Variants in PER3 observed in about 807,000 individuals in gnomAD.
PER3 encodes the protein period circadian protein homolog 3.
In PER3, 107 loss-of-function variants were observed where a neutral mutation model predicts 127.2. The ratio of observed to expected loss-of-function variants is 0.84; its 90% CI spans 0.72 to 0.99. PER3 has a LOEUF of 0.99. Ranked by LOEUF, PER3 falls within the 50% of genes least tolerant of loss-of-function variation. The probability of loss-of-function intolerance (pLI) is 0.00; values close to 1 mark genes in which losing one functional copy is unlikely to be tolerated. For missense variants in PER3, 1,560 were observed against 1,525.8 expected, an observed-to-expected ratio of 1.02 and a Z score of -0.37; for synonymous variants, 618 against 585.8, an observed-to-expected ratio of 1.05 and a Z score of -0.79.
chr1:7,794,914 T>C (rs757818477), intron 6 of PER3, among the ~76,000 whole-genome samples: 9 of 151,412 alleles, frequency 5.9e-5, no homozygotes, highest in Non-Finnish European at 1.0e-4. Flanking sequence ...TAAGATGATA[T>C]AATAATATGT....
intron 6 of PER3, among the ~76,000 whole-genome samples, chr1:7,797,678 A>G (rs2097152093): frequency 6.6e-6 from 1 of 151,754 alleles, no homozygotes; most frequent in South Asian, 2.1e-4. Context: ...TGGAAGTAGG[A>G]ACAGACTAGA....
intron 16 of PER3, among the ~76,000 whole-genome samples, chr1:7,824,790 A>G (rs1321793080): frequency 6.6e-6 from 1 of 152,126 alleles, no homozygotes; most frequent in African/African-American, 2.4e-5. Flanking sequence ...GCTCCTTGTG[A>G]TGCCTCAGGA....
chr1:7,790,546 T>C (rs1233102840), intron 5 of PER3, among the ~76,000 whole-genome samples: 1 of 152,158 alleles, frequency 6.6e-6, no homozygotes, highest in Admixed American at 6.5e-5. Flanking sequence ...AACCATATCA[T>C]TCTGCTCTTA....
At chr1:7,808,624 G>A (rs2097206366) in intron 10 of PER3, among the ~76,000 whole-genome samples, 1 of 152,178 alleles carries the variant, frequency 6.6e-6, no homozygotes, top group South Asian at 2.1e-4. Flanking sequence ...GAGGTTACTT[G>A]TCCCTGATTT....
chr1:7,806,937 C>T (rs1317557637), intron 10 of PER3, among the ~76,000 whole-genome samples: 2 of 151,102 alleles, frequency 1.3e-5, no homozygotes, highest in Admixed American at 1.3e-4. Context: ...ATTTCCATTT[C>T]ACTCAAAAAA....
chr1:7,799,125 A>T (rs1033758852), intron 7 of PER3, among the ~76,000 whole-genome samples: 3 of 152,226 alleles, frequency 2.0e-5, no homozygotes, highest in African/African-American at 7.2e-5. Flanking sequence ...ATATCAATAC[A>T]TAGGCAGCTT....
rs532800130 is a variant in PER3 at position 7,812,823 on chromosome 1, G to A, written c.1522+2235G>A. ...AGCTTTGGAGAACCAATGTTTCTGG[G>A]AGATCTTGATTTTATTAACATTTGG... is the stretch of plus-strand genomic sequence containing the variant. On this transcript the variant is annotated intron_variant, in intron 13 of 21. Transcript: ENST00000377532. Among the ~76,000 whole-genome samples the A allele has an allele frequency of 1.6e-3, 249 of 152,212 alleles. 1 individual carries two copies. Among genetic ancestry groups the A allele is most frequent in the African/African-American group, 5.7e-3 (235 of 41,528 alleles).
At chr1:7,802,471 G>T (rs1014944085) in intron 8 of PER3, among the ~76,000 whole-genome samples, 9 of 152,064 alleles carry the variant, frequency 5.9e-5, no homozygotes, top group Admixed American at 3.9e-4. Flanking sequence ...CACCATGTTG[G>T]CCAGACTGGT....
intron 19 of PER3, among the ~76,000 whole-genome samples, chr1:7,833,572 GTGT>G (rs1381034814): frequency 6.6e-6 from 1 of 152,128 alleles, no homozygotes; most frequent in East Asian, 1.9e-4. Context: ...TATTTGGTTA[GTGT>G]TTACATGGTA....
intron 4 of PER3, chr1:7,787,057 CTT>C (rs1417840863): frequency 6.7e-6 from 3 of 446,934 alleles, no homozygotes; most frequent in African/African-American, 4.0e-5. Context: ...AGCTCAGTGA[CTT>C]TGGTTATGAG....
chr1:7,829,556 C>T (rs1452926555), intron 18 of PER3, among the ~76,000 whole-genome samples: 2 of 152,126 alleles, frequency 1.3e-5, no homozygotes, highest in Non-Finnish European at 2.9e-5. Flanking sequence ...ATCTGATAAC[C>T]AAGACGGCTA....
At chr1:7,793,293 T>G (rs1412608186) in intron 5 of PER3, among the ~76,000 whole-genome samples, 2 of 152,178 alleles carry the variant, frequency 1.3e-5, no homozygotes, top group Non-Finnish European at 2.9e-5. Context: ...AAGGCAAATT[T>G]AGACATTTCT....
At chr1:7,785,618 G>C in intron 3 of PER3, 32 bp downstream of exon 3, 2 of 1,597,306 alleles carry the variant, frequency 1.3e-6, no homozygotes, top group Admixed American at 1.7e-5. Flanking sequence ...TTCATCCTAC[G>C]AATGCACCAG....
chr1:7,809,722 CAG>C (rs1339700160), intron 11 of PER3, among the ~76,000 whole-genome samples, 169 bp from the exon 12 acceptor site: 9 of 152,302 alleles, frequency 5.9e-5, no homozygotes, highest in Admixed American at 5.9e-4. Flanking sequence ...GCCGAAATGA[CAG>C]AGGAGTGCCT....
chr1:7,785,200 T>G (rs1221171679), intron 2 of PER3, among the ~76,000 whole-genome samples, 195 bp downstream of exon 2: 1 of 151,982 alleles, frequency 6.6e-6, no homozygotes, highest in Non-Finnish European at 1.5e-5. Flanking sequence ...GAGGGAAAAG[T>G]GGTTACAAAA....
At position 7,826,738 on chromosome 1, in the gene PER3, A is replaced by G. The variant is rs1336651070; in HGVS notation, c.2188+28A>G. The G allele has an allele frequency of 7.7e-7, 1 of 1,305,138 alleles. No individual in the cohort carries two copies. The highest frequency in any genetic ancestry group is 1.2e-5 in the South Asian group (1 of 83,414). 80.8% of individuals were successfully genotyped at this position (1,305,138 alleles called of 1,614,324 possible). A position where few individuals can be genotyped will look rare whatever the true frequency, so the allele number is the denominator to read the frequency against. ...ACGTAATTTTTTAAAAATAAATGCCATTAATCTATGTAAATGTTACAAACT... is the reference window on the plus strand; with the variant it reads ...ACGTAATTTTTTAAAAATAAATGCCGTTAATCTATGTAAATGTTACAAACT... On this transcript the variant is annotated intron_variant, in intron 17 of 21. Transcript: ENST00000377532. This position sits in a 1 kb window ranked among gnomAD's most constrained non-coding sequence, Gnocchi z 4.2.
intron 13 of PER3, among the ~76,000 whole-genome samples, chr1:7,817,490 T>C (rs78978050): frequency 0.016 from 2,415 of 152,314 alleles, 61 homozygotes; most frequent in African/African-American, 0.054. Flanking sequence ...CGCAAGTTGG[T>C]GTATTCGTTT....
At chr1:7,804,311 CTT>C (rs79813451) in intron 10 of PER3, among the ~76,000 whole-genome samples, 5 of 120,434 alleles carry the variant, frequency 4.2e-5, no homozygotes, top group African/African-American at 3.1e-5. Flanking sequence ...TTCTTTCTTT[CTT>C]TTTTTTTTTT....
rs955769247 is a variant in PER3, at chr1:7,827,520, C to T, written c.2591C>T (p.Pro864Leu). 5 of 1,614,056 alleles carry T rather than the reference C, an allele frequency of 3.1e-6. No individual in the cohort carries two copies. Among genetic ancestry groups the T allele is most frequent in the Non-Finnish European group, 3.4e-6 (4 of 1,180,006 alleles). ...ATGACCGTTTTCCTGCCTGACCCCC[C>T]TGTCTGTCCTCTGTTGTCGCCATCG... ...TFMTVFLPDP[P>L]VCPLLSPSFL... Residue 864 changes from proline (P) to leucine (L), a missense_variant, in exon 18 of 22, where the codon CCT (proline) becomes CTT (leucine). By Grantham distance (98) the Pro-to-Leu change is moderately conservative (BLOSUM62 -3). Around this residue, in one of 3 missense-constraint regions of PER3, gnomAD observed 1,332 missense variants for 1,223.6 expected, o/e 1.09. Transcript: ENST00000377532.
Sources: allele counts gnomAD v4.1 joint callset (sites outside exome capture counted in the v4.1 genomes callset), GRCh38; gene constraint gnomAD v4.1.1; regional missense constraint gnomAD v4.1.1; non-coding constraint Gnocchi (gnomAD v3.1); transcripts MANE v1.5; gene names NCBI Gene and HGNC (gene_info 2026-07-23, HGNC 2026-07-21).